The following ERC2 variants were observed in gnomAD, a reference collection of about 807,000 sequenced individuals.
The protein encoded by ERC2 is ELKS/RAB6-interacting/CAST family member 2, also known as ERC protein 2.
Under a neutral mutation model 114.8 loss-of-function variants are expected in ERC2, and 42 were observed. The ratio of observed to expected loss-of-function variants is 0.37; its 90% CI spans 0.29 to 0.47. The LOEUF is 0.47. Ranked by LOEUF, ERC2 falls within the 20% of genes least tolerant of loss-of-function variation. ERC2 has a pLI of 0.99. For synonymous variants in ERC2, 454 were observed against 425.5 expected (o/e 1.07, Z -0.82); for missense variants, 939 against 1,150.7 (o/e 0.82, Z 2.66).
intron 17 of ERC2, among the ~76,000 whole-genome samples, chr3:55,662,877 T>C (rs1010150639): frequency 6.6e-6 from 1 of 152,212 alleles, no homozygotes; most frequent in Non-Finnish European, 1.5e-5. Flanking sequence ...TATTCATTGC[T>C]ACAGTAGAGC....
chr3:55,811,902 T>G (rs1176279442), intron 14 of ERC2, among the ~76,000 whole-genome samples: 3 of 152,214 alleles, frequency 2.0e-5, no homozygotes, highest in African/African-American at 7.2e-5. Context: ...ATGTGAAGCT[T>G]TGTTACATAG....
intron 4 of ERC2, among the ~76,000 whole-genome samples, chr3:56,157,227 T>C (rs1474977317): frequency 2.6e-5 from 4 of 152,164 alleles, no homozygotes; most frequent in African/African-American, 7.2e-5. Flanking sequence ...CTTCAGAGAA[T>C]GTATGCTATT....
chr3:55,843,141 G>A (rs747846108), intron 14 of ERC2, among the ~76,000 whole-genome samples: 1 of 152,206 alleles, frequency 6.6e-6, no homozygotes, highest in Admixed American at 6.5e-5. Flanking sequence ...CAAGGTATGA[G>A]CACAGCAGTG....
At chr3:55,722,138 T>C (rs1435909651) in intron 15 of ERC2, among the ~76,000 whole-genome samples, 4 of 152,172 alleles carry the variant, frequency 2.6e-5, no homozygotes, top group Non-Finnish European at 4.4e-5. Flanking sequence ...CAAAGATCAT[T>C]TGAATGAAGA....
chr3:55,776,949 A>C (rs928098649), intron 14 of ERC2, among the ~76,000 whole-genome samples: 6 of 152,080 alleles, frequency 3.9e-5, no homozygotes, highest in Admixed American at 2.6e-4. Context: ...AACACGGGAG[A>C]CATCTACAAC....
At chr3:56,297,236 GA>G (rs905567914) in intron 2 of ERC2, among the ~76,000 whole-genome samples, 12 of 147,104 alleles carry the variant, frequency 8.2e-5, no homozygotes, top group Non-Finnish European at 1.4e-4. Context: ...AAAAAAAAAA[GA>G]AAAAAAAATT....
intron 17 of ERC2, among the ~76,000 whole-genome samples, chr3:55,526,096 G>T (rs574173744): frequency 5.1e-4 from 78 of 152,092 alleles, no homozygotes; most frequent in Non-Finnish European, 8.4e-4. Flanking sequence ...GAAGGCCATG[G>T]GGTGATGGAA....
chr3:56,077,629 A>G (rs1022296598), intron 7 of ERC2, among the ~76,000 whole-genome samples: 2 of 152,234 alleles, frequency 1.3e-5, no homozygotes, highest in African/African-American at 4.8e-5. Context: ...CTCAAGAATG[A>G]GCGCACTTAG....
At chr3:55,555,034 G>A (rs534437824) in intron 17 of ERC2, among the ~76,000 whole-genome samples, 25 of 152,074 alleles carry the variant, frequency 1.6e-4, no homozygotes, top group Middle Eastern at 3.4e-3. Flanking sequence ...CCACCACCAC[G>A]CCCAGCCACC....
intron 8 of ERC2, among the ~76,000 whole-genome samples, chr3:56,010,844 T>C (rs558305778): frequency 6.6e-6 from 1 of 152,330 alleles, no homozygotes; most frequent in African/African-American, 2.4e-5. Context: ...TCAAGTTCTG[T>C]GGTTGCTCTT....
At chr3:55,648,939 C>T (rs569141973) in intron 17 of ERC2, among the ~76,000 whole-genome samples, 1 of 152,278 alleles carries the variant, frequency 6.6e-6, no homozygotes, top group South Asian at 2.1e-4. Flanking sequence ...ACACCACGGA[C>T]ACACTGGACA....
At chr3:55,769,954 T>C (rs964725168) in intron 14 of ERC2, among the ~76,000 whole-genome samples, 18 of 152,336 alleles carry the variant, frequency 1.2e-4, no homozygotes, top group East Asian at 9.6e-4. Context: ...CCCCTCCCTT[T>C]GCCAGGTGAT....
chr3:55,575,136 T>G (rs1246866833), intron 17 of ERC2, among the ~76,000 whole-genome samples: 1 of 152,206 alleles, frequency 6.6e-6, no homozygotes, highest in African/African-American at 2.4e-5. Context: ...TGCCTCAGCT[T>G]CCCGAGTAGC....
chr3:56,451,058 CATTTCCT>C, intron 1 of ERC2, among the ~76,000 whole-genome samples: 1 of 152,136 alleles, frequency 6.6e-6, no homozygotes, highest in African/African-American at 2.4e-5. Flanking sequence ...AACATCTATG[CATTTCCT>C]TTCATCTGCA....
intron 13 of ERC2, among the ~76,000 whole-genome samples, chr3:55,919,859 G>C (rs2065315264): frequency 1.3e-5 from 2 of 152,258 alleles, no homozygotes; most frequent in Middle Eastern, 3.4e-3. Flanking sequence ...AAAGCCCCAA[G>C]GTGGAAGGGC....
chr3:55,975,746 A>G (rs1050800590), intron 12 of ERC2, among the ~76,000 whole-genome samples: 1 of 152,128 alleles, frequency 6.6e-6, no homozygotes, highest in Non-Finnish European at 1.5e-5. Context: ...CTCTGTCCTG[A>G]TCAGCCCTTT....
Position 55,597,533 on chromosome 3 carries a change from C to G in ERC2, c.*40-86257G>C, listed in dbSNP as rs117698735. Among the ~76,000 whole-genome samples, 191 of 152,278 alleles carry G rather than the reference C, an allele frequency of 1.3e-3. 4 individuals are homozygous for G. In the East Asian group the frequency reaches 0.036, roughly 28 times the overall value. On this transcript the variant is annotated intron_variant, in intron 17 of 17. Transcript: ENST00000288221. ...CTGAGGCTTGTCTTGGTGTTACCTC[C>G]TCAGAAAAATCTTCTCGGGTCACCT...
chr3:55,650,439 C>A (rs1457433779), intron 17 of ERC2, among the ~76,000 whole-genome samples: 1 of 152,226 alleles, frequency 6.6e-6, no homozygotes, highest in East Asian at 1.9e-4. Flanking sequence ...GTCACCTTCT[C>A]ACATCAGCCC....
chr3:55,600,626 C>T (rs1270391770), intron 17 of ERC2, among the ~76,000 whole-genome samples: 2 of 152,216 alleles, frequency 1.3e-5, no homozygotes, highest in Non-Finnish European at 2.9e-5. Flanking sequence ...GTGCTCTTCA[C>T]TGATTCCAGT....
Sources: gnomAD v4.1 joint callset for allele counts (sites outside exome capture counted in the v4.1 genomes callset) on GRCh38, gnomAD v4.1.1 for gene constraint, MANE v1.5 for transcripts, NCBI Gene and HGNC (gene_info 2026-07-23, HGNC 2026-07-21) for gene names.